PDE8B: variants seen among roughly 807,000 people sequenced by gnomAD.
PDE8B encodes high affinity cAMP-specific and IBMX-insensitive 3',5'-cyclic phosphodiesterase 8B.
PDE8B carries 26 observed loss-of-function variants against 101.3 expected under a neutral mutation model. The observed-to-expected ratio is 0.26, with a 90% CI of 0.19 to 0.36. PDE8B has a LOEUF of 0.36. PDE8B is among the 10% of genes least tolerant of loss of function. The pLI is 1.00. For synonymous variants in PDE8B, 424 were observed against 429.3 expected, an observed-to-expected ratio of 0.99 and a Z score of 0.15; for missense variants, 810 against 1,163.1, an observed-to-expected ratio of 0.70 and a Z score of 4.42.
chr5:77,405,488 C>T (rs1333473454), intron 12 of PDE8B, among the ~76,000 whole-genome samples: 1 of 152,080 alleles, frequency 6.6e-6, no homozygotes, highest in Non-Finnish European at 1.5e-5. Context: ...AACCTGCAAC[C>T]CTGGTACTCG....
At position 77,211,411 on chromosome 5, in the gene PDE8B, G is replaced by A. The variant is rs1580334092; in HGVS notation, c.339+147G>A. 1.3e-6 allele frequency: 1 copy of A among 766,452 alleles called. No homozygotes were observed. Among genetic ancestry groups the A allele is most frequent in the Non-Finnish European group, 2.0e-6 (1 of 500,840 alleles). The allele number at this position is 766,452 out of a possible 1,614,324, so 47.5% of individuals were successfully genotyped here. A position where few individuals can be genotyped will look rare whatever the true frequency, so the allele number is the denominator to read the frequency against. ...CTAAGGAGGAGTTTACTTTTCATTT[G>A]TGGAGATGATGGGAGCCCAGGAAAT... On this transcript the variant is annotated intron_variant, in intron 1 of 21. Coordinates refer to ENST00000264917, the MANE Select transcript of PDE8B (RefSeq NM_003719.5). The surrounding 1 kb of genome is among the most constrained non-coding windows in gnomAD (Gnocchi z 4.1).
At chr5:77,121,312 C>T in the PDE8B span, among the ~76,000 whole-genome samples, 1 of 152,330 alleles carries the variant, frequency 6.6e-6, no homozygotes, top group South Asian at 2.1e-4. Flanking sequence ...ATGGGCCTCA[C>T]AGTAGGTCTG....
At chr5:77,415,945 A>AG (rs1795441431) in intron 17 of PDE8B, among the ~76,000 whole-genome samples, 1 of 152,220 alleles carries the variant, frequency 6.6e-6, no homozygotes, top group African/African-American at 2.4e-5. Flanking sequence ...CTGGTTAAAG[A>AG]GGGAAAAAAC....
At chr5:77,415,762 C>G (rs1795406365) in intron 17 of PDE8B, among the ~76,000 whole-genome samples, 1 of 152,218 alleles carries the variant, frequency 6.6e-6, no homozygotes, top group Admixed American at 6.5e-5. Flanking sequence ...AGACCCCATC[C>G]TCTCCCCATG....
At chr5:77,337,195 T>A in intron 5 of PDE8B, 32 bp from the exon 6 acceptor site, 2 of 1,149,092 alleles carry the variant, frequency 1.7e-6, no homozygotes, top group Non-Finnish European at 2.6e-6. Flanking sequence ...TAATTATATA[T>A]GTCTTATGTA....
At chr5:77,355,891 AG>A (rs1782016863) in intron 10 of PDE8B, among the ~76,000 whole-genome samples, 2 of 152,220 alleles carry the variant, frequency 1.3e-5, no homozygotes, top group South Asian at 4.1e-4. Flanking sequence ...CCAAGAAACT[AG>A]AGCCTGCAGG....
At position 77,308,367 on chromosome 5, in the gene PDE8B, C is replaced by T. The variant is rs1206084295; in HGVS notation, c.340-3627C>T. On this transcript the variant is annotated intron_variant, in intron 1 of 21. Coordinates refer to ENST00000264917, the MANE Select transcript of PDE8B (RefSeq NM_003719.5). The stretch of plus-strand genomic sequence containing the variant: ...CGGTAGTGCAGGTAGAGTGACAACA[C>T]GTGGGAGGGAGCACAGTGAAGTGAG... 2.0e-5 allele frequency among the ~76,000 whole-genome samples: 3 copies of T among 152,130 alleles called. No individual in the cohort carries two copies. In the East Asian group the frequency reaches 5.8e-4, roughly 29 times the overall value.
chr5:77,161,573 C>T, the PDE8B span, among the ~76,000 whole-genome samples: 1 of 151,940 alleles, frequency 6.6e-6, no homozygotes, highest in Non-Finnish European at 1.5e-5. Flanking sequence ...AGTACAAATC[C>T]TTTTGTGGAC....
chr5:77,111,394 C>G, the PDE8B span, among the ~76,000 whole-genome samples: 1 of 152,074 alleles, frequency 6.6e-6, no homozygotes. Context: ...CCCCAAAAGT[C>G]AATTAGAAAA....
At chr5:77,251,302 C>T (rs1014135057) in intron 1 of PDE8B, among the ~76,000 whole-genome samples, 23 of 152,260 alleles carry the variant, frequency 1.5e-4, no homozygotes, top group Non-Finnish European at 1.8e-4. Context: ...GTCTTTGGTT[C>T]CCTGCAGTTT....
At chr5:77,362,152 A>T (rs1388314872) in intron 10 of PDE8B, among the ~76,000 whole-genome samples, 1 of 152,234 alleles carries the variant, frequency 6.6e-6, no homozygotes, top group Non-Finnish European at 1.5e-5. Context: ...TAGATGATAT[A>T]TAAATGATGG....
At chr5:77,239,241 A>G (rs968345242) in intron 1 of PDE8B, among the ~76,000 whole-genome samples, 4 of 152,190 alleles carry the variant, frequency 2.6e-5, no homozygotes, top group African/African-American at 9.6e-5. Context: ...TCAGACCACA[A>G]TTTCTAGTCA....
intron 10 of PDE8B, among the ~76,000 whole-genome samples, chr5:77,364,180 G>T (rs1348228363): frequency 6.6e-6 from 1 of 152,180 alleles, no homozygotes; most frequent in Non-Finnish European, 1.5e-5. Flanking sequence ...AGTGGGCAAG[G>T]TTGGGCATGC....
At chr5:77,143,520 A>T in the PDE8B span, among the ~76,000 whole-genome samples, 1 of 152,196 alleles carries the variant, frequency 6.6e-6, no homozygotes, top group African/African-American at 2.4e-5. Flanking sequence ...CATACTGTTC[A>T]GTCTTGGGGC....
chr5:77,321,410 C>A (rs917428561), intron 2 of PDE8B, among the ~76,000 whole-genome samples: 5 of 152,152 alleles, frequency 3.3e-5, no homozygotes, highest in South Asian at 2.1e-4. Context: ...CTTGGCCTCC[C>A]AAAGTGCTGG....
the PDE8B span, among the ~76,000 whole-genome samples, chr5:77,189,997 G>GA: frequency 6.6e-6 from 1 of 152,230 alleles, no homozygotes; most frequent in Non-Finnish European, 1.5e-5. Context: ...TATGGAGGGA[G>GA]AAAAGATCTA....
At chr5:77,194,544 T>A in the PDE8B span, among the ~76,000 whole-genome samples, 2 of 152,178 alleles carry the variant, frequency 1.3e-5, no homozygotes, top group Non-Finnish European at 2.9e-5. Context: ...GTTCCGGAAT[T>A]TTTTTAATCA....
intron 12 of PDE8B, among the ~76,000 whole-genome samples, chr5:77,406,540 G>A (rs1416160122): frequency 1.3e-5 from 2 of 152,172 alleles, no homozygotes; most frequent in African/African-American, 2.4e-5. Flanking sequence ...TTTCCAGTAC[G>A]GGCACAGTGG....
At chr5:77,230,685 A>T (rs1159422422) in intron 1 of PDE8B, among the ~76,000 whole-genome samples, 1 of 152,106 alleles carries the variant, frequency 6.6e-6, no homozygotes, top group Non-Finnish European at 1.5e-5. Flanking sequence ...TCTGACCTCA[A>T]GTGATCCACC....
Sources: gnomAD v4.1 joint callset for allele counts (sites outside exome capture counted in the v4.1 genomes callset) on GRCh38, gnomAD v4.1.1 for gene constraint, Gnocchi (gnomAD v3.1) non-coding constraint, MANE v1.5 for transcripts, NCBI Gene and HGNC (gene_info 2026-07-23, HGNC 2026-07-21) for gene names.